The following NEGR1 variants were observed in gnomAD, a reference collection of about 807,000 sequenced individuals.
NEGR1 encodes IgLON family member 4.
A neutral mutation model predicts 40.9 loss-of-function variants in NEGR1; 10 were observed. The ratio of observed to expected loss-of-function variants is 0.24; its 90% CI spans 0.15 to 0.42. The LOEUF (loss-of-function observed/expected upper bound fraction) is 0.42, where lower values mean the gene tolerates loss of function less well. Among genes scored for constraint, NEGR1 ranks in the 10% least tolerant of loss-of-function variants. NEGR1 has a pLI of 1.00. For synonymous variants in NEGR1, 185 were observed against 166.8 expected, an observed-to-expected ratio of 1.11 and a Z score of -0.84; for missense variants, 352 against 438.9, an observed-to-expected ratio of 0.80 and a Z score of 1.77.
intron 1 of NEGR1, among the ~76,000 whole-genome samples, chr1:72,262,756 A>G (rs923593695): frequency 6.6e-6 from 1 of 151,972 alleles, no homozygotes. Context: ...TTTGTCTTCT[A>G]AAATTATTCG....
chr1:72,179,199 T>C (rs1333685074), intron 1 of NEGR1, among the ~76,000 whole-genome samples: 1 of 152,044 alleles, frequency 6.6e-6, no homozygotes, highest in East Asian at 1.9e-4. Flanking sequence ...AAGGTAGGAG[T>C]TCCCTTTCAA....
chr1:71,492,452 A>T (rs1646936319), intron 6 of NEGR1, among the ~76,000 whole-genome samples: 1 of 149,842 alleles, frequency 6.7e-6, no homozygotes, highest in African/African-American at 2.4e-5. Context: ...TTAGCTAGGT[A>T]CTTGATCTTG....
chr1:71,574,470 T>C (rs1361658022), intron 6 of NEGR1, among the ~76,000 whole-genome samples: 1 of 152,178 alleles, frequency 6.6e-6, no homozygotes. Flanking sequence ...TTAGGAAAAC[T>C]GAGTTCTTAC....
chr1:71,471,227 T>C (rs2056206), intron 6 of NEGR1, among the ~76,000 whole-genome samples: 75,091 of 152,040 alleles, frequency 0.49, 18,766 homozygotes, highest in South Asian at 0.56. Flanking sequence ...AGCTCTTCAG[T>C]AAAACATCAA....
intron 1 of NEGR1, among the ~76,000 whole-genome samples, chr1:72,145,811 C>G (rs1034580467): frequency 1.3e-5 from 2 of 151,990 alleles, no homozygotes; most frequent in African/African-American, 4.8e-5. Context: ...ACATGTCATT[C>G]TACTGATTTT....
At chr1:71,964,422 A>G (rs1020921098) in intron 1 of NEGR1, among the ~76,000 whole-genome samples, 2 of 152,142 alleles carry the variant, frequency 1.3e-5, no homozygotes, top group African/African-American at 4.8e-5. Flanking sequence ...GAATCCAGTC[A>G]GTCGCCAAGG....
intron 1 of NEGR1, among the ~76,000 whole-genome samples, chr1:72,215,136 T>C (rs975125989): frequency 1.3e-5 from 2 of 152,036 alleles, no homozygotes; most frequent in East Asian, 1.9e-4. Flanking sequence ...ATTTAATAAA[T>C]GGTGCTGGGA....
intron 1 of NEGR1, among the ~76,000 whole-genome samples, chr1:72,215,748 T>C (rs572518661): frequency 1.6e-3 from 245 of 152,206 alleles, no homozygotes; most frequent in African/African-American, 5.7e-3. Flanking sequence ...GGAACACTTT[T>C]ACACTCTTGG....
In NEGR1 at chr1:71,395,981, T is replaced by C. The variant is rs1358451297; in HGVS notation, c.*11465A>G. 1 of 152,182 alleles carries C rather than the reference T, an allele frequency of 6.6e-6. No homozygotes were observed. The highest frequency in any genetic ancestry group is 1.5e-5 in the Non-Finnish European group (1 of 68,038). The allele number at this position is 152,182 out of a possible 1,614,324, so 9.4% of individuals were successfully genotyped here. ...CCTTTATTCATATCACTAATTGTAATATGTACTAATTGTAAATGTGGAAAC... is the reference window on the plus strand; with the variant it reads ...CCTTTATTCATATCACTAATTGTAACATGTACTAATTGTAAATGTGGAAAC... On this transcript the variant is annotated 3_prime_UTR_variant, in exon 7 of 7. Transcript: ENST00000357731.
intron 6 of NEGR1, among the ~76,000 whole-genome samples, chr1:71,586,647 G>T (rs575716508): frequency 1.3e-5 from 2 of 152,090 alleles, no homozygotes; most frequent in Non-Finnish European, 2.9e-5. Context: ...GACTGCTTCA[G>T]CCTGCTGGTT....
chr1:71,949,737 T>C (rs754410177), intron 1 of NEGR1, among the ~76,000 whole-genome samples: 2 of 152,078 alleles, frequency 1.3e-5, no homozygotes, highest in Admixed American at 6.6e-5. Flanking sequence ...AAATTGAATA[T>C]ATAATTTGGA....
intron 1 of NEGR1, among the ~76,000 whole-genome samples, chr1:72,135,375 C>CAAAAAAAAAAAAAAAAAAA (rs71074819): frequency 1.4e-5 from 1 of 71,384 alleles, no homozygotes; most frequent in Non-Finnish European, 2.6e-5. Flanking sequence ...GACTCCGTCT[C>CAAAAAAAAAAAAAAAAAAA]AAAAAAAAAA....
chr1:71,964,887 T>C lies in NEGR1; in HGVS notation c.177-29576A>G, dbSNP rs549355635. Among the ~76,000 whole-genome samples the C allele has an allele frequency of 2.0e-4, 31 of 152,146 alleles. 1 individual carries two copies. The highest frequency in any genetic ancestry group is 7.2e-4 in the African/African-American group (30 of 41,524). ...TATGGGTTTGGGAAAGAGGATTTCA[T>C]GTTCAACTTGAGGAAACACTGGGTA... On this transcript the variant is annotated intron_variant, in intron 1 of 6. Coordinates refer to ENST00000357731, the MANE Select transcript of NEGR1 (RefSeq NM_173808.3).
chr1:71,977,553 C>T (rs974412804), intron 1 of NEGR1, among the ~76,000 whole-genome samples: 3 of 151,668 alleles, frequency 2.0e-5, no homozygotes, highest in Non-Finnish European at 2.9e-5. Context: ...TCGTAAAAAC[C>T]GAATCTAAAA....
At chr1:71,800,990 C>T (rs1300669989) in intron 2 of NEGR1, among the ~76,000 whole-genome samples, 1 of 152,174 alleles carries the variant, frequency 6.6e-6, no homozygotes, top group African/African-American at 2.4e-5. Flanking sequence ...TCTAATTACA[C>T]TTTCACCACT....
intron 6 of NEGR1, among the ~76,000 whole-genome samples, chr1:71,434,868 G>A (rs1646496422): frequency 6.6e-6 from 1 of 152,192 alleles, no homozygotes; most frequent in African/African-American, 2.4e-5. Context: ...AAGGCGGGCG[G>A]ATCACGAGGT....
At chr1:72,271,703 A>C (rs779145690) in intron 1 of NEGR1, among the ~76,000 whole-genome samples, 18 of 151,852 alleles carry the variant, frequency 1.2e-4, no homozygotes, top group Non-Finnish European at 2.5e-4. Context: ...CTGTGCATCC[A>C]CCCAAATTTC....
intron 1 of NEGR1, among the ~76,000 whole-genome samples, chr1:72,137,131 CT>C (rs1486731535): frequency 6.6e-6 from 1 of 152,140 alleles, no homozygotes; most frequent in African/African-American, 2.4e-5. Flanking sequence ...AACAGGAACA[CT>C]TTTACACTCA....
Position 71,502,830 on chromosome 1 carries a change from T to G in NEGR1, c.940+89987A>C, listed in dbSNP as rs578213550. Among the ~76,000 whole-genome samples, 10 of 152,276 alleles carry G rather than the reference T, an allele frequency of 6.6e-5. No homozygotes were observed. In the South Asian group the frequency reaches 2.1e-3, roughly 32 times the overall value. On this transcript the variant is annotated intron_variant, in intron 6 of 6. Coordinates refer to ENST00000357731, the MANE Select transcript of NEGR1 (RefSeq NM_173808.3). ...CGAGTGTGTGCATGACTGAGATGTA[T>G]CCTAGATATGAAACAAGTGCAGAGT...
Sources: allele counts gnomAD v4.1 joint callset (sites outside exome capture counted in the v4.1 genomes callset), GRCh38; gene constraint gnomAD v4.1.1; transcripts MANE v1.5; gene names NCBI Gene and HGNC (gene_info 2026-07-23, HGNC 2026-07-21).